ZFHX3: variants seen among roughly 807,000 people sequenced by gnomAD.
ZFHX3 encodes zinc finger homeobox 3, also known as zinc finger homeobox protein 3.
A neutral mutation model predicts 279.1 loss-of-function variants in ZFHX3; 42 were observed. The observed-to-expected ratio is 0.15, with a 90% confidence interval of 0.12 to 0.19. ZFHX3 has a LOEUF of 0.19. Among genes scored for constraint, ZFHX3 ranks in the 10% least tolerant of loss-of-function variants. The pLI is 1.00. For missense variants in ZFHX3, 4,981 were observed against 4,754.0 expected (o/e 1.05, Z -1.40); for synonymous variants, 2,293 against 1,957.8 (o/e 1.17, Z -4.52).
chr16:73,463,491 T>C (rs903463717), intron 2 of ZFHX3, among the ~76,000 whole-genome samples: 2 of 152,224 alleles, frequency 1.3e-5, no homozygotes, highest in Non-Finnish European at 2.9e-5. Flanking sequence ...CTGGATCCCA[T>C]TCATCGTTTC....
chr16:73,734,277 T>C (rs936064913), intron 1 of ZFHX3, among the ~76,000 whole-genome samples: 3 of 152,192 alleles, frequency 2.0e-5, no homozygotes, highest in Non-Finnish European at 4.4e-5. Flanking sequence ...ACTTTTGGAA[T>C]ATCTCAAATT....
rs2143409529 is a variant in ZFHX3 at position 72,794,975 on chromosome 16, G to A, written c.7707C>T (p.Ser2569=). ...QFIHPQFLDR[S]LDMPFMLFDP... ...CAAAGAGCATGAAAGGCATATCCAGGGACCTGTCCAAAAACTGGGGGTGGA... is the reference window on the plus strand; with the variant it reads ...CAAAGAGCATGAAAGGCATATCCAGAGACCTGTCCAAAAACTGGGGGTGGA... The change falls in exon 9 of 10, where the codon TCC becomes TCT. Residue 2569 remains serine (S), a synonymous_variant. Coordinates refer to ENST00000268489, the MANE Select transcript of ZFHX3 (RefSeq NM_006885.4). The surrounding 1 kb of genome is among the most constrained non-coding windows in gnomAD (Gnocchi z 4.2). 5 of 1,614,148 alleles carry A rather than the reference G, an allele frequency of 3.1e-6. No individual in the cohort carries two copies. Among genetic ancestry groups the A allele is most frequent in the Non-Finnish European group, 3.4e-6 (4 of 1,180,022 alleles).
At chr16:73,798,158 A>T (rs972657255) in intron 1 of ZFHX3, among the ~76,000 whole-genome samples, 1 of 152,078 alleles carries the variant, frequency 6.6e-6, no homozygotes, top group Non-Finnish European at 1.5e-5. Flanking sequence ...TGTTGTCACT[A>T]CTATAATGTT....
intron 5 of ZFHX3, among the ~76,000 whole-genome samples, chr16:73,175,148 GGC>G (rs1401963379): frequency 6.6e-6 from 1 of 152,124 alleles, no homozygotes. Context: ...GGAAGGCTGA[GGC>G]GGGCGGATTA....
Position 72,794,733 on chromosome 16 carries a change from G to C in ZFHX3, c.7949C>G (p.Pro2650Arg). ...CTGGTAGAGAATTTCTAGTTGTTCC[G>C]GTGTGATGGTTGTTCTCAAACGCTT... ...RDKRLRTTIT[P>R]EQLEILYQKY... Residue 2650 changes from proline to arginine, a missense_variant, in exon 9 of 10, where the codon CCG becomes CGG. By Grantham distance (103) the Pro-to-Arg change is moderately radical. This residue lies in a region of ZFHX3 where 744 missense variants were observed against 701.3 expected (regional missense o/e 1.06). Coordinates refer to ENST00000268489, the MANE Select transcript of ZFHX3 (RefSeq NM_006885.4). This position sits in a 1 kb window ranked among gnomAD's most constrained non-coding sequence, Gnocchi z 4.2. 1 of 1,614,182 alleles carries C rather than the reference G, an allele frequency of 6.2e-7. No individual in the cohort carries two copies. The highest frequency in any genetic ancestry group is 2.2e-5 in the East Asian group (1 of 44,870).
intron 3 of ZFHX3, among the ~76,000 whole-genome samples, chr16:72,922,545 A>G (rs1446572210): frequency 1.3e-5 from 2 of 152,138 alleles, no homozygotes; most frequent in Non-Finnish European, 2.9e-5. Flanking sequence ...ACAGAAAGAA[A>G]TCCACCTGCT....
chr16:73,316,657 A>C (rs1475278679), intron 4 of ZFHX3, among the ~76,000 whole-genome samples: 1 of 152,092 alleles, frequency 6.6e-6, no homozygotes, highest in Non-Finnish European at 1.5e-5. Flanking sequence ...ACTCCACTAG[A>C]TCTAGTACTT....
chr16:73,369,077 G>C (rs761905856), intron 3 of ZFHX3, among the ~76,000 whole-genome samples: 3 of 152,174 alleles, frequency 2.0e-5, no homozygotes, highest in African/African-American at 7.2e-5. Context: ...TGAGATGAGC[G>C]AGAAAAGCTC....
At chr16:73,151,879 C>CAAAAAAAAAAAAAGAAAAAA (rs1966951507) in intron 5 of ZFHX3, among the ~76,000 whole-genome samples, 1 of 120,604 alleles carries the variant, frequency 8.3e-6, no homozygotes. Context: ...ATGCAAAAAA[C>CAAAAAAAAAAAAAGAAAAAA]AAAAAAAAAA....
In ZFHX3 at chr16:73,835,392, CCCTTTCCCCA is replaced by C. The variant is rs976771667; in HGVS notation, c.-1608+56249_-1608+56258del. Reference sequence around the variant, plus strand: ...CTTTTCCCACCGTCCCTCTTCTTTCCCCTTTCCCCACCTTTCCCCACCATCCCTCTTCTTT... The same window carrying C: ...CTTTTCCCACCGTCCCTCTTCTTTCCCCTTTCCCCACCATCCCTCTTCTTT... On this transcript the variant is annotated intron_variant, in intron 1 of 17. Coordinates refer to the ZFHX3 transcript ENST00000641206. 9.3e-5 allele frequency among the ~76,000 whole-genome samples: 14 copies of C among 151,294 alleles called. No homozygotes were observed. The East Asian group carries it at 9.7e-4, about 10-fold the overall frequency.
intron 2 of ZFHX3, among the ~76,000 whole-genome samples, chr16:73,571,352 C>CA (rs1297337332): frequency 1.3e-5 from 2 of 152,000 alleles, no homozygotes; most frequent in Non-Finnish European, 2.9e-5. Context: ...TTGTGCTAAA[C>CA]AAAAAGGTGA....
At chr16:73,105,110 G>T (rs562705421) in intron 7 of ZFHX3, among the ~76,000 whole-genome samples, 1 of 152,122 alleles carries the variant, frequency 6.6e-6, no homozygotes, top group South Asian at 2.1e-4. Flanking sequence ...TTAATAGTCA[G>T]TTTTTTGTTG....
chr16:73,319,061 A>C (rs978251757), intron 3 of ZFHX3, among the ~76,000 whole-genome samples: 1 of 151,126 alleles, frequency 6.6e-6, no homozygotes, highest in Admixed American at 6.6e-5. Context: ...CTCAGCAGTA[A>C]ATACCATGGA....
chr16:73,249,886 G>A (rs1027019282), intron 5 of ZFHX3, among the ~76,000 whole-genome samples: 1 of 151,086 alleles, frequency 6.6e-6, no homozygotes, highest in African/African-American at 2.4e-5. Flanking sequence ...TTAAGGAAAT[G>A]CAAATTAAAA....
chr16:73,535,157 T>C (rs1216665752), intron 2 of ZFHX3, among the ~76,000 whole-genome samples: 1 of 152,206 alleles, frequency 6.6e-6, no homozygotes, highest in Non-Finnish European at 1.5e-5. Flanking sequence ...AGCTCAAAAG[T>C]TGTACAATAA....
At chr16:73,690,450 A>T (rs1254821417) in intron 1 of ZFHX3, among the ~76,000 whole-genome samples, 4 of 152,192 alleles carry the variant, frequency 2.6e-5, no homozygotes, top group Non-Finnish European at 5.9e-5. Context: ...AAAACTTTTC[A>T]AGGAATTGCT....
chr16:73,851,987 G>A (rs904470387), intron 1 of ZFHX3, among the ~76,000 whole-genome samples: 7 of 152,158 alleles, frequency 4.6e-5, no homozygotes, highest in Non-Finnish European at 7.4e-5. Context: ...ATCTCTTACC[G>A]TGAAGAACTG....
intron 2 of ZFHX3, among the ~76,000 whole-genome samples, chr16:73,469,243 A>C (rs1325844738): frequency 6.6e-6 from 1 of 152,166 alleles, no homozygotes; most frequent in African/African-American, 2.4e-5. Flanking sequence ...AGAACAAGCA[A>C]CAAAAGCTGG....
Position 72,893,732 on chromosome 16 carries a change from G to A in ZFHX3, c.3217-3770C>T, listed in dbSNP as rs572264853. 9.9e-5 allele frequency among the ~76,000 whole-genome samples: 15 copies of A among 152,212 alleles called. 1 individual carries two copies. Among genetic ancestry groups the A allele is most frequent in the Admixed American group, 9.8e-4 (15 of 15,290 alleles). ...AGAGGAAACAAGAAAATGAAGCCACGGCTGCTCCCACCTAACCTGGTCCAG... is the reference window on the plus strand; with the variant it reads ...AGAGGAAACAAGAAAATGAAGCCACAGCTGCTCCCACCTAACCTGGTCCAG... On this transcript the variant is annotated intron_variant, in intron 3 of 9. Coordinates refer to ENST00000268489, the MANE Select transcript of ZFHX3 (RefSeq NM_006885.4).
Sources: allele counts gnomAD v4.1 joint callset (sites outside exome capture counted in the v4.1 genomes callset), GRCh38; gene constraint gnomAD v4.1.1; regional missense constraint gnomAD v4.1.1; non-coding constraint Gnocchi (gnomAD v3.1); transcripts MANE v1.5; gene names NCBI Gene and HGNC (gene_info 2026-07-23, HGNC 2026-07-21).